Variants in ZFHX3 observed in about 807,000 individuals in gnomAD.
ZFHX3 encodes zinc finger homeobox protein 3.
A neutral mutation model predicts 279.1 loss-of-function variants in ZFHX3; 42 were observed. The observed-to-expected ratio is 0.15, with a 90% CI of 0.12 to 0.19. The LOEUF is 0.19. ZFHX3 is among the 10% of genes least tolerant of loss of function. ZFHX3 has a pLI of 1.00. For missense variants in ZFHX3, 4,981 were observed against 4,754.0 expected (o/e 1.05, Z -1.40); for synonymous variants, 2,293 against 1,957.8 (o/e 1.17, Z -4.52).
At chr16:73,772,540 A>G (rs328358) in intron 1 of ZFHX3, among the ~76,000 whole-genome samples, 14,242 of 152,178 alleles carry the variant, frequency 0.094, 1,896 homozygotes, top group African/African-American at 0.3. Context: ...ATCACTGTGC[A>G]TACCTCGTTT....
At chr16:73,891,764 C>G (rs1269431356) in exon 1 of ZFHX3, 1 of 151,826 alleles carries the variant, frequency 6.6e-6, no homozygotes, top group Non-Finnish European at 1.5e-5. Flanking sequence ...CTCTCTCTCT[C>G]TCTCTCTCTC....
chr16:72,960,965 T>C (rs779636037), intron 1 of ZFHX3, among the ~76,000 whole-genome samples: 1 of 151,868 alleles, frequency 6.6e-6, no homozygotes, highest in Non-Finnish European at 1.5e-5. Flanking sequence ...AAAAGATGGG[T>C]CCCCAGATTC....
In ZFHX3 at chr16:73,875,636, G is replaced by T. The variant is rs1031223580; in HGVS notation, c.-1608+16015C>A. 2.0e-5 allele frequency among the ~76,000 whole-genome samples: 3 copies of T among 151,860 alleles called. No homozygotes were observed. In the East Asian group the frequency reaches 5.8e-4, roughly 29 times the overall value. The stretch of plus-strand genomic sequence containing the variant: ...ATCAATTTTCTAGTTATTTCTCAAG[G>T]GTTATATTTGTTCATAATAATAGCA... On this transcript the variant is annotated intron_variant, in intron 1 of 17. Transcript: ENST00000641206.
chr16:73,164,217 T>C (rs1205220794), intron 5 of ZFHX3, among the ~76,000 whole-genome samples: 5 of 152,220 alleles, frequency 3.3e-5, no homozygotes, highest in Non-Finnish European at 7.3e-5. Flanking sequence ...TCAATAATGC[T>C]AGGCTGTGAG....
chr16:73,313,277 A>G (rs1470213484), intron 4 of ZFHX3, among the ~76,000 whole-genome samples: 1 of 152,176 alleles, frequency 6.6e-6, no homozygotes, highest in Non-Finnish European at 1.5e-5. Context: ...GAGTCAATTA[A>G]ACCTTTTTTT....
intron 5 of ZFHX3, among the ~76,000 whole-genome samples, chr16:73,207,073 A>C (rs1417251909): frequency 6.6e-6 from 1 of 150,810 alleles, no homozygotes. Flanking sequence ...AAATAAAATA[A>C]AAAATAAAAA....
chr16:73,804,921 AGAGG>A (rs1567416086), intron 1 of ZFHX3, among the ~76,000 whole-genome samples: 1 of 65,050 alleles, frequency 1.5e-5, no homozygotes. Context: ...GAGGGGAGGG[AGAGG>A]GAGGGAGGGA....
intron 3 of ZFHX3, among the ~76,000 whole-genome samples, chr16:73,427,286 A>G (rs1454564224): frequency 6.6e-6 from 1 of 152,110 alleles, no homozygotes; most frequent in Non-Finnish European, 1.5e-5. Context: ...GGTCATGTGT[A>G]ATGAGTGAGA....
At chr16:73,537,377 C>A (rs567007601) in intron 2 of ZFHX3, among the ~76,000 whole-genome samples, 5 of 137,936 alleles carry the variant, frequency 3.6e-5, no homozygotes, top group Non-Finnish European at 6.0e-5. Flanking sequence ...AGTGCAGTGG[C>A]GCGATCTTGA....
At chr16:73,618,132 A>G (rs1434501033) in intron 2 of ZFHX3, among the ~76,000 whole-genome samples, 1 of 152,188 alleles carries the variant, frequency 6.6e-6, no homozygotes, top group Admixed American at 6.5e-5. Context: ...TCCGGCGTCT[A>G]TAGTCCAGCC....
At chr16:73,788,348 A>G (rs1056606012) in intron 1 of ZFHX3, among the ~76,000 whole-genome samples, 1 of 152,212 alleles carries the variant, frequency 6.6e-6, no homozygotes, top group Non-Finnish European at 1.5e-5. Context: ...TGGAGAGAAT[A>G]GTAGAGAGGG....
chr16:73,231,699 A>G (rs1167145019), intron 5 of ZFHX3, among the ~76,000 whole-genome samples: 1 of 152,126 alleles, frequency 6.6e-6, no homozygotes, highest in Non-Finnish European at 1.5e-5. Flanking sequence ...CAAGAAGCAA[A>G]TGTATCCCTA....
At chr16:73,185,937 A>G (rs894153813) in intron 5 of ZFHX3, among the ~76,000 whole-genome samples, 1 of 151,808 alleles carries the variant, frequency 6.6e-6, no homozygotes, top group Non-Finnish European at 1.5e-5. Context: ...TCTCATTACC[A>G]CCTTAGCTCT....
chr16:72,955,041 T>G (rs1961186808), intron 2 of ZFHX3, among the ~76,000 whole-genome samples: 1 of 152,228 alleles, frequency 6.6e-6, no homozygotes, highest in Non-Finnish European at 1.5e-5. Context: ...TTTATTTGCA[T>G]AAGTTGGTTT....
intron 4 of ZFHX3, among the ~76,000 whole-genome samples, chr16:73,288,946 T>C (rs188010560): frequency 4.0e-5 from 6 of 149,356 alleles, no homozygotes; most frequent in East Asian, 2.0e-4. Flanking sequence ...AAAAAAACCC[T>C]CTTTGTCTCT....
At chr16:73,416,687 C>A (rs976688916) in intron 3 of ZFHX3, among the ~76,000 whole-genome samples, 119 of 152,112 alleles carry the variant, frequency 7.8e-4, no homozygotes, top group African/African-American at 2.6e-3. Flanking sequence ...TCCTGGCTAA[C>A]ATGGTGAAAC....
At chr16:73,579,543 C>G (rs911045345) in intron 2 of ZFHX3, among the ~76,000 whole-genome samples, 1 of 150,724 alleles carries the variant, frequency 6.6e-6, no homozygotes, top group Non-Finnish European at 1.5e-5. Context: ...ACTCCGTCAC[C>G]CAGGCTGGAG....
rs538023201 is a variant in ZFHX3, at chr16:73,263,722, T to C, written c.-1193-6586A>G. Reference sequence around the variant, plus strand: ...GAGCTGCTAGTTGCAGGAGTCCTCCTGTCCCACCTCTTACTTCACAGACTC... The same window carrying C: ...GAGCTGCTAGTTGCAGGAGTCCTCCCGTCCCACCTCTTACTTCACAGACTC... On this transcript the variant is annotated intron_variant, in intron 4 of 17. Transcript: ENST00000641206. 1.6e-4 allele frequency among the ~76,000 whole-genome samples: 25 copies of C among 152,368 alleles called. No homozygotes were observed. The East Asian group carries it at 4.4e-3, about 27-fold the overall frequency.
intron 3 of ZFHX3, among the ~76,000 whole-genome samples, chr16:72,934,623 T>C (rs994589714): frequency 6.6e-6 from 1 of 152,130 alleles, no homozygotes. Context: ...CTCCCAGAGG[T>C]CTTTTTGGAT....
Sources: allele counts gnomAD v4.1 joint callset (sites outside exome capture counted in the v4.1 genomes callset), GRCh38; gene constraint gnomAD v4.1.1; transcripts MANE v1.5; gene names NCBI Gene and HGNC (gene_info 2026-07-23, HGNC 2026-07-21).